The following CPNE2 variants were observed in gnomAD, a reference collection of about 807,000 sequenced individuals.
CPNE2 encodes copine-2.
A neutral mutation model predicts 69.7 loss-of-function variants in CPNE2; 42 were observed. The ratio of observed to expected loss-of-function variants is 0.60; its 90% confidence interval spans 0.47 to 0.78. The LOEUF is 0.78. CPNE2 is among the 30% of genes least tolerant of loss of function. CPNE2 has a pLI of 0.00. For missense variants in CPNE2, 587 were observed against 732.0 expected (o/e 0.80, Z 2.29); for synonymous variants, 294 against 289.8 (o/e 1.01, Z -0.15).
chr16:57,134,492 T>A (rs1217117504), intron 12 of CPNE2, among the ~76,000 whole-genome samples: 2 of 152,184 alleles, frequency 1.3e-5, no homozygotes, highest in African/African-American at 4.8e-5. Flanking sequence ...CTTAGAGGAC[T>A]GATGGGGCAT....
chr16:57,121,395 G>A lies in CPNE2; in HGVS notation c.780+204G>A, dbSNP rs184940170. Among the ~76,000 whole-genome samples the A allele has an allele frequency of 3.0e-3, 464 of 152,280 alleles. 3 individuals carry two copies. Among genetic ancestry groups the A allele is most frequent in the Non-Finnish European group, 4.9e-3 (330 of 68,020 alleles). On this transcript the variant is annotated intron_variant, in intron 8 of 15. Transcript: ENST00000290776. Reference sequence around the variant, plus strand: ...GGGGATTGAATGAGATGATGCAGGCGAAGTGCCCAGCATATAGTGAGCAGT... The same window carrying A: ...GGGGATTGAATGAGATGATGCAGGCAAAGTGCCCAGCATATAGTGAGCAGT...
chr16:57,134,829 G>A lies in CPNE2; in HGVS notation c.1168+3G>A, dbSNP rs369345468. On this transcript the variant is annotated splice_donor_region_variant and intron_variant, in intron 13 of 15. Transcript: ENST00000290776. Reference sequence around the variant, plus strand: ...CCCCACCAACCCCTTCTGCTCAGGTGAGTGTCAGACCCACCTGCAGCTGCC... The same window carrying A: ...CCCCACCAACCCCTTCTGCTCAGGTAAGTGTCAGACCCACCTGCAGCTGCC... 20 of 1,613,918 alleles carry A rather than the reference G, an allele frequency of 1.2e-5. No individual in the cohort carries two copies. The highest frequency in any genetic ancestry group is 1.7e-5 in the Non-Finnish European group (20 of 1,179,926).
intron 1 of CPNE2, among the ~76,000 whole-genome samples, chr16:57,094,630 G>T (rs986893015): frequency 6.6e-6 from 1 of 152,200 alleles, no homozygotes; most frequent in Non-Finnish European, 1.5e-5. Flanking sequence ...TCGGGTGCCA[G>T]CACTTATTGG....
At chr16:57,119,457 G>A (rs2069744800) in intron 6 of CPNE2, 104 bp from the exon 7 acceptor site, 1 of 1,148,866 alleles carries the variant, frequency 8.7e-7, no homozygotes, top group Non-Finnish European at 1.3e-6. Context: ...CTGGAAGTGT[G>A]GCTGTGGGTC....
intron 14 of CPNE2, among the ~76,000 whole-genome samples, chr16:57,139,454 C>G (rs1442016419): frequency 6.6e-6 from 1 of 152,164 alleles, no homozygotes; most frequent in African/African-American, 2.4e-5. Flanking sequence ...ACTGTAATTT[C>G]CAATCTGTAG....
At chr16:57,107,102 C>T (rs1307208058) in intron 1 of CPNE2, among the ~76,000 whole-genome samples, 5 of 152,194 alleles carry the variant, frequency 3.3e-5, no homozygotes, top group South Asian at 2.1e-4. Flanking sequence ...CATGGGAAGG[C>T]GCTCTCAGCC....
Position 57,110,765 on chromosome 16 carries a change from G to T in CPNE2, c.23G>T (p.Gly8Val), listed in dbSNP as rs757090972. The T allele has an allele frequency of 7.4e-6, 12 of 1,612,182 alleles. No homozygotes were observed. Among genetic ancestry groups the T allele is most frequent in the Non-Finnish European group, 1.0e-5 (12 of 1,179,134 alleles). MAHIPSG[G>V]APAAGAAPMG... ...CCCATGGCCCACATACCCAGTGGGG[G>T]TGCCCCAGCAGCGGGGGCAGCCCCC... Residue 8 changes from glycine to valine, a missense_variant, in exon 2 of 16, where the codon GGT (glycine) becomes GTT (valine). Gly to Val is a moderately radical substitution (Grantham distance 109). Transcript: ENST00000290776.
At chr16:57,140,852 A>C (rs1253049653) in intron 14 of CPNE2, 1 of 146,536 alleles carries the variant, frequency 6.8e-6, no homozygotes, top group African/African-American at 2.5e-5. Flanking sequence ...GACCTGAGCC[A>C]CGGCACCCGG....
intron 1 of CPNE2, among the ~76,000 whole-genome samples, chr16:57,105,437 T>G (rs1270785351): frequency 1.3e-5 from 2 of 151,994 alleles, no homozygotes; most frequent in African/African-American, 4.8e-5. Context: ...CCGGTTTTTT[T>G]TTTTTTTTTA....
Position 57,147,647 on chromosome 16 carries a change from G to C in CPNE2, c.1636G>C (p.Glu546Gln). 1 of 1,599,428 alleles carries C rather than the reference G, an allele frequency of 6.3e-7. No homozygotes were observed. The highest frequency in any genetic ancestry group is 8.5e-7 in the Non-Finnish European group (1 of 1,170,146). The change falls in exon 16 of 16, where the codon GAG becomes CAG. Residue 546 changes from glutamate (E) to glutamine (Q), a missense_variant. By Grantham distance (29) the Glu-to-Gln change is conservative (BLOSUM62 2). This residue lies in a region of CPNE2 where 185 missense variants were observed against 252.3 expected (regional missense o/e 0.73). Coordinates refer to ENST00000290776, the MANE Select transcript of CPNE2 (RefSeq NM_152727.6). ...TAAAAACCTGCCCCCCACCAACTCG[G>C]AGCCCGCCTGAGCTCCAGTGCCCAG... ...KHKNLPPTNSEPA is the reference protein window; with the variant it reads ...KHKNLPPTNSQPA
intron 4 of CPNE2, 102 bp downstream of exon 4, chr16:57,115,652 G>C: frequency 1.4e-6 from 1 of 738,926 alleles, no homozygotes. Context: ...AGCTTTGTTT[G>C]GAGTAAAAAG....
rs952102213 is a variant in CPNE2 at position 57,113,413 on chromosome 16, T to C, written c.306T>C (p.Ser102=). Reference sequence around the variant, plus strand: ...CGCTCTTTGACCAGGACAAGTCCAGTATGCGGCTGGACGAGCATGACTTCC... The same window carrying C: ...CGCTCTTTGACCAGGACAAGTCCAGCATGCGGCTGGACGAGCATGACTTCC... ...KFALFDQDKS[S]MRLDEHDFLG... Residue 102 remains serine, a synonymous_variant, in exon 3 of 16, where the codon AGT becomes AGC. Coordinates refer to ENST00000290776, the MANE Select transcript of CPNE2 (RefSeq NM_152727.6). 1.2e-6 allele frequency: 2 copies of C among 1,614,152 alleles called. No individual in the cohort carries two copies. The highest frequency in any genetic ancestry group is 1.7e-6 in the Non-Finnish European group (2 of 1,180,008).
chr16:57,125,313 G>A (rs774601503), intron 10 of CPNE2: 1 of 455,976 alleles, frequency 2.2e-6, no homozygotes, highest in African/African-American at 2.0e-5. Context: ...GTGCTGCGGT[G>A]AGCTCCCAGC....
chr16:57,096,966 A>G (rs1693297939), intron 1 of CPNE2, among the ~76,000 whole-genome samples: 2 of 152,020 alleles, frequency 1.3e-5, no homozygotes, highest in African/African-American at 2.4e-5. Flanking sequence ...GGTAGAGGAA[A>G]CAGCGCATGC....
chr16:57,096,470 C>T (rs1206923164), intron 1 of CPNE2, among the ~76,000 whole-genome samples: 1 of 152,070 alleles, frequency 6.6e-6, no homozygotes, highest in Non-Finnish European at 1.5e-5. Flanking sequence ...GATAGTCAGA[C>T]CACTTGAGCC....
intron 1 of CPNE2, chr16:57,094,084 A>G (rs1292748872): frequency 4.4e-6 from 2 of 456,604 alleles, no homozygotes; most frequent in African/African-American, 2.0e-5. Flanking sequence ...CGCCTGGCAT[A>G]GGTCCAGGTG....
intron 5 of CPNE2, 112 bp downstream of exon 5, chr16:57,117,679 A>G: frequency 2.4e-6 from 3 of 1,255,906 alleles, no homozygotes; most frequent in Non-Finnish European, 3.4e-6. Flanking sequence ...CATTCTAGGG[A>G]CTGGTCCAGC....
intron 1 of CPNE2, among the ~76,000 whole-genome samples, chr16:57,096,681 A>G (rs1305987469): frequency 1.3e-5 from 2 of 149,568 alleles, no homozygotes; most frequent in Non-Finnish European, 3.0e-5. Flanking sequence ...CCTCGGTGAA[A>G]CAGTGAGACC....
intron 1 of CPNE2, among the ~76,000 whole-genome samples, chr16:57,108,854 GTA>G (rs566804586): frequency 4.0e-4 from 61 of 152,340 alleles, no homozygotes; most frequent in African/African-American, 1.4e-3. Flanking sequence ...TTGGGAAATT[GTA>G]TATGAGTGAA....
Sources: gnomAD v4.1 joint callset for allele counts (sites outside exome capture counted in the v4.1 genomes callset) on GRCh38, gnomAD v4.1.1 for gene constraint, gnomAD v4.1.1 regional missense constraint, MANE v1.5 for transcripts, NCBI Gene and HGNC (gene_info 2026-07-23, HGNC 2026-07-21) for gene names.